The following PBRM1 variants were observed in gnomAD, a reference collection of about 807,000 sequenced individuals.
The protein encoded by PBRM1 is protein polybromo-1.
PBRM1 carries 27 observed loss-of-function variants against 194.5 expected under a neutral mutation model. The ratio of observed to expected loss-of-function variants is 0.14; its 90% confidence interval spans 0.10 to 0.19. PBRM1 has a LOEUF of 0.19. PBRM1 is among the 10% of genes least tolerant of loss of function. PBRM1 has a pLI of 1.00. For synonymous variants in PBRM1, 655 were observed against 693.2 expected (o/e 0.94, Z 0.87); for missense variants, 1,466 against 2,077.2 (o/e 0.71, Z 5.72).
intron 11 of PBRM1, among the ~76,000 whole-genome samples, chr3:52,632,843 G>C (rs1314827437): frequency 6.6e-6 from 1 of 151,946 alleles, no homozygotes; most frequent in African/African-American, 2.4e-5. Context: ...ACTGGCTCCT[G>C]CCACTACGCC....
Position 52,626,440 on chromosome 3 carries a change from C to T in PBRM1, c.1541+833G>A, listed in dbSNP as rs981623629. On this transcript the variant is annotated intron_variant, in intron 13 of 29. Coordinates refer to ENST00000296302, the Ensembl canonical transcript of PBRM1. Reference sequence around the variant, plus strand: ...CATGTATAGACTGTGTCAACAGTTACTAAAGACTTCATTCAACTTTGAATC... The same window carrying T: ...CATGTATAGACTGTGTCAACAGTTATTAAAGACTTCATTCAACTTTGAATC... Among the ~76,000 whole-genome samples the T allele has an allele frequency of 4.9e-4, 75 of 152,324 alleles. 1 individual carries two copies. Among genetic ancestry groups the T allele is most frequent in the African/African-American group, 1.7e-3 (71 of 41,574 alleles).
At chr3:52,671,359 G>GCACAC (rs986134512) in intron 2 of PBRM1, among the ~76,000 whole-genome samples, 1 of 152,240 alleles carries the variant, frequency 6.6e-6, no homozygotes, top group African/African-American at 2.4e-5. Flanking sequence ...CAGTGGTCCA[G>GCACAC]CACCCAAGGT....
chr3:52,652,513 C>T (rs2096525267), intron 5 of PBRM1, among the ~76,000 whole-genome samples: 1 of 149,466 alleles, frequency 6.7e-6, no homozygotes, highest in Non-Finnish European at 1.5e-5. Context: ...GTGGTGAAAC[C>T]CTGTCTCTAC....
intron 22 of PBRM1, among the ~76,000 whole-genome samples, chr3:52,569,370 T>G (rs934636644): frequency 1.3e-5 from 2 of 152,084 alleles, no homozygotes; most frequent in East Asian, 3.9e-4. Context: ...GCCGCCATGC[T>G]CGGCTAACTT....
intron 18 of PBRM1, 51 bp downstream of exon 20, chr3:52,589,019 G>C (rs1312501610): frequency 7.3e-7 from 1 of 1,360,722 alleles, no homozygotes; most frequent in East Asian, 2.3e-5. Flanking sequence ...GCAAGGAGAA[G>C]TCAAACAGTC....
intron 2 of PBRM1, among the ~76,000 whole-genome samples, chr3:52,674,916 T>C (rs1208604636): frequency 6.6e-6 from 1 of 150,392 alleles, no homozygotes; most frequent in Non-Finnish European, 1.5e-5. Flanking sequence ...TGCACTGAAC[T>C]GTGATTGCCA....
chr3:52,596,206 G>A (rs1459615546), intron 17 of PBRM1, among the ~76,000 whole-genome samples: 5 of 151,822 alleles, frequency 3.3e-5, no homozygotes, highest in Non-Finnish European at 5.9e-5. Flanking sequence ...TTGGGAGGCC[G>A]AGGCGGGTGG....
At chr3:52,550,309 T>G (rs193037523) in intron 29 of PBRM1, 112 bp downstream of exon 31, 1 of 429,422 alleles carries the variant, frequency 2.3e-6, no homozygotes, top group East Asian at 3.5e-5. Context: ...ATAATTTATT[T>G]TAATTGTATA....
At chr3:52,573,704 G>GA (rs2088330008) in intron 22 of PBRM1, among the ~76,000 whole-genome samples, 1 of 152,114 alleles carries the variant, frequency 6.6e-6, no homozygotes, top group Non-Finnish European at 1.5e-5. Flanking sequence ...CAGAAACAGT[G>GA]AAAAAAGCAG....
intron 11 of PBRM1, among the ~76,000 whole-genome samples, chr3:52,631,862 A>G (rs2095629573): frequency 6.6e-6 from 1 of 152,234 alleles, no homozygotes; most frequent in African/African-American, 2.4e-5. Context: ...AGGAGCTTGG[A>G]ATGTACAGGT....
intron 7 of PBRM1, among the ~76,000 whole-genome samples, chr3:52,645,284 T>C (rs2096256803): frequency 6.6e-6 from 1 of 152,086 alleles, no homozygotes; most frequent in South Asian, 2.1e-4. Context: ...TTTTTTTCCT[T>C]CTTTACAATT....
intron 10 of PBRM1, among the ~76,000 whole-genome samples, chr3:52,638,472 C>T (rs1040955265): frequency 1.3e-5 from 2 of 151,940 alleles, no homozygotes; most frequent in Non-Finnish European, 2.9e-5. Flanking sequence ...AATTCTCCTG[C>T]CTCAGCCTCC....
At chr3:52,547,532 A>C (rs914245424), downstream of PBRM1, 6 of 233,542 alleles carry the variant, frequency 2.6e-5, no homozygotes, top group African/African-American at 1.3e-4. Context: ...GCTTTTGCAG[A>C]AAGTGGCTTA....
At chr3:52,567,105 A>G (rs1480203849) in intron 22 of PBRM1, among the ~76,000 whole-genome samples, 1 of 151,562 alleles carries the variant, frequency 6.6e-6, no homozygotes. Flanking sequence ...GATGAATTCT[A>G]TGACATATAT....
At chr3:52,619,355 C>T (rs374196672) in intron 13 of PBRM1, among the ~76,000 whole-genome samples, 6 of 152,212 alleles carry the variant, frequency 3.9e-5, no homozygotes, top group Non-Finnish European at 5.9e-5. Context: ...AACATGTGCA[C>T]ATCCTCCTGT....
intron 10 of PBRM1, among the ~76,000 whole-genome samples, chr3:52,637,443 G>A (rs2095863382): frequency 6.6e-6 from 1 of 152,026 alleles, no homozygotes; most frequent in East Asian, 1.9e-4. Flanking sequence ...ACCAGTATGG[G>A]CAAAATGATG....
intron 27 of PBRM1, among the ~76,000 whole-genome samples, chr3:52,553,769 C>G (rs1370794419): frequency 6.7e-6 from 1 of 148,732 alleles, no homozygotes; most frequent in Admixed American, 6.9e-5. Context: ...TCAAGTGATT[C>G]TTCTGCCTCA....
In PBRM1 at chr3:52,581,810, G is replaced by T. The variant is rs912433673; in HGVS notation, c.3388-2611C>A. On this transcript the variant is annotated intron_variant, in intron 20 of 29. Transcript: ENST00000296302. ...GTGCCACCACGCCTGGCTAATTTTTGTATTTTTAGTAGAGACAGGGTTTCA... is the reference window on the plus strand; with the variant it reads ...GTGCCACCACGCCTGGCTAATTTTTTTATTTTTAGTAGAGACAGGGTTTCA... 1.1e-4 allele frequency among the ~76,000 whole-genome samples: 16 copies of T among 150,836 alleles called. No homozygotes were observed. The South Asian group carries it at 3.3e-3, about 31-fold the overall frequency.
At chr3:52,646,107 A>C (rs1208764451) in intron 7 of PBRM1, among the ~76,000 whole-genome samples, 1 of 152,210 alleles carries the variant, frequency 6.6e-6, no homozygotes, top group Non-Finnish European at 1.5e-5. Context: ...TGTAACAACA[A>C]ACAATTAGTA....
Sources: allele counts gnomAD v4.1 joint callset (sites outside exome capture counted in the v4.1 genomes callset), GRCh38; gene constraint gnomAD v4.1.1; transcripts MANE v1.5; gene names NCBI Gene and HGNC (gene_info 2026-07-23, HGNC 2026-07-21).